The following STAU1 variants were observed in gnomAD, a reference collection of about 807,000 sequenced individuals.
STAU1 encodes the protein double-stranded RNA-binding protein Staufen homolog 1.
A neutral mutation model predicts 62.9 loss-of-function variants in STAU1; 13 were observed. The observed-to-expected ratio is 0.21, with a 90% CI of 0.13 to 0.33. STAU1 has a LOEUF of 0.33. Ranked by LOEUF, STAU1 falls within the 10% of genes least tolerant of loss-of-function variation. STAU1 has a pLI of 1.00. For synonymous variants in STAU1, 269 were observed against 265.1 expected, an observed-to-expected ratio of 1.01 and a Z score of -0.14; for missense variants, 571 against 712.1, an observed-to-expected ratio of 0.80 and a Z score of 2.25.
At chr20:49,132,084 T>C (rs913550838) in intron 6 of STAU1, among the ~76,000 whole-genome samples, 24 of 151,940 alleles carry the variant, frequency 1.6e-4, no homozygotes, top group African/African-American at 5.8e-4. Flanking sequence ...GGGTAGGAAT[T>C]CAGCACAGTG....
intron 5 of STAU1, among the ~76,000 whole-genome samples, chr20:49,148,608 T>G (rs2093176505): frequency 6.6e-6 from 1 of 152,146 alleles, no homozygotes; most frequent in South Asian, 2.1e-4. Context: ...TACTTCCAAC[T>G]CTACAGAGCT....
chr20:49,185,688 G>T (rs2093777912), intron 1 of STAU1, among the ~76,000 whole-genome samples: 1 of 152,100 alleles, frequency 6.6e-6, no homozygotes, highest in Non-Finnish European at 1.5e-5. Context: ...GTTAATAATT[G>T]TCAAAGCTAA....
the STAU1 span, among the ~76,000 whole-genome samples, chr20:49,200,731 A>T: frequency 6.6e-6 from 1 of 152,064 alleles, no homozygotes; most frequent in Non-Finnish European, 1.5e-5. Flanking sequence ...TTTCTATGGC[A>T]TTCTGGAAAA....
Position 49,120,020 on chromosome 20 carries a change from C to T in STAU1, c.1075G>A (p.Ala359Thr). ...TTGAGTGCGGGTTTGGTGGGCTGCG[C>T]CTGCGGGACTTTGAAACCAAGGATC... Reference protein sequence around the residue: ...LEILGFKVPQAQPTKPALKSE... With the variant: ...LEILGFKVPQTQPTKPALKSE... The change falls in exon 9 of 14, where the codon GCG becomes ACG. Residue 359 changes from alanine to threonine, a missense_variant. Ala to Thr is a moderately conservative substitution (Grantham distance 58). This residue lies in a region of STAU1 where 414 missense variants were observed against 499.6 expected (regional missense o/e 0.83). Coordinates refer to ENST00000371856, the MANE Select transcript of STAU1 (RefSeq NM_017453.4). 6.2e-7 allele frequency: 1 copy of T among 1,614,162 alleles called. No homozygotes were observed. Among genetic ancestry groups the T allele is most frequent in the South Asian group, 1.1e-5 (1 of 91,082 alleles).
At chr20:49,139,081 C>CT (rs2092952560) in intron 5 of STAU1, among the ~76,000 whole-genome samples, 1 of 152,088 alleles carries the variant, frequency 6.6e-6, no homozygotes, top group South Asian at 2.1e-4. Flanking sequence ...CCCCACACCA[C>CT]TAAAAACTCA....
intron 3 of STAU1, chr20:49,158,909 A>T (rs1345659694): frequency 1.6e-6 from 2 of 1,212,794 alleles, no homozygotes; most frequent in South Asian, 1.4e-5. Context: ...TCTCAAAAAT[A>T]AATAAATAAA....
intron 6 of STAU1, among the ~76,000 whole-genome samples, chr20:49,128,591 A>G (rs1297171982): frequency 1.3e-5 from 2 of 152,128 alleles, no homozygotes; most frequent in African/African-American, 4.8e-5. Context: ...ATCAGAAAGC[A>G]TGGAAGTTCT....
intron 2 of STAU1, among the ~76,000 whole-genome samples, chr20:49,171,887 G>GT (rs1035179645): frequency 2.1e-5 from 3 of 144,230 alleles, no homozygotes; most frequent in African/African-American, 7.7e-5. Flanking sequence ...ATAATAAAAC[G>GT]TTTTTGAAAA....
the STAU1 span, among the ~76,000 whole-genome samples, chr20:49,205,008 A>G: frequency 3.9e-5 from 6 of 151,964 alleles, no homozygotes; most frequent in Non-Finnish European, 8.8e-5. Context: ...GATTTTGTAC[A>G]GAAATATTAT....
At chr20:49,206,208 G>T in the STAU1 span, among the ~76,000 whole-genome samples, 12 of 146,924 alleles carry the variant, frequency 8.2e-5, no homozygotes, top group Non-Finnish European at 1.2e-4. Context: ...TGGCTAGGCT[G>T]GTCTGGAACT....
chr20:49,117,549 G>A lies in STAU1; in HGVS notation c.1509+228C>T, dbSNP rs2092357587. On this transcript the variant is annotated intron_variant, in intron 11 of 13. Transcript: ENST00000371856. This position sits in a 1 kb window ranked among gnomAD's most constrained non-coding sequence, Gnocchi z 4.6. The stretch of plus-strand genomic sequence containing the variant: ...CTGCTAGTGGTTAGAAGCTTTTAGG[G>A]TTGGCTTGCATGTTGAAATCTTACT... 6.6e-6 allele frequency among the ~76,000 whole-genome samples: 1 copy of A among 152,178 alleles called. No individual in the cohort carries two copies. Among genetic ancestry groups the A allele is most frequent in the Non-Finnish European group, 1.5e-5 (1 of 68,040 alleles).
intron 2 of STAU1, among the ~76,000 whole-genome samples, chr20:49,168,845 A>G (rs2093560812): frequency 6.6e-6 from 1 of 152,164 alleles, no homozygotes; most frequent in Admixed American, 6.6e-5. Flanking sequence ...AAGCACACAT[A>G]TACTAACCCA....
rs575099415 is a variant in STAU1, at chr20:49,180,390, G to C, written c.-159-6121C>G. On this transcript the variant is annotated intron_variant, in intron 1 of 13. Coordinates refer to ENST00000371856, the MANE Select transcript of STAU1 (RefSeq NM_017453.4). ...CCAGGCTGAAGTGCAGCGGCACGAT[G>C]TCAGGTCACTGCAAACTCCACCTCC... Among the ~76,000 whole-genome samples the C allele has an allele frequency of 2.9e-3, 442 of 150,560 alleles. 1 individual carries two copies. The highest frequency in any genetic ancestry group is 4.3e-3 in the Non-Finnish European group (291 of 67,860).
At chr20:49,167,679 T>TA (rs1426075844) in intron 2 of STAU1, among the ~76,000 whole-genome samples, 2 of 152,222 alleles carry the variant, frequency 1.3e-5, no homozygotes, top group Non-Finnish European at 2.9e-5. Flanking sequence ...AGAAGTCAGC[T>TA]ATGACCTTAT....
chr20:49,168,849 T>C (rs968464716), intron 2 of STAU1, among the ~76,000 whole-genome samples: 6 of 152,128 alleles, frequency 3.9e-5, no homozygotes, highest in African/African-American at 1.4e-4. Flanking sequence ...ACACATATAC[T>C]AACCCACACA....
At chr20:49,130,925 G>A (rs1028752227) in intron 6 of STAU1, among the ~76,000 whole-genome samples, 1 of 151,308 alleles carries the variant, frequency 6.6e-6, no homozygotes, top group Admixed American at 6.6e-5. Flanking sequence ...GCAACAGAGC[G>A]AGACTCCGTC....
intron 1 of STAU1, among the ~76,000 whole-genome samples, chr20:49,186,435 C>T (rs915776049): frequency 3.3e-5 from 5 of 151,778 alleles, no homozygotes; most frequent in African/African-American, 1.2e-4. Flanking sequence ...AACAAGGAGG[C>T]CACTTTGCCG....
intron 2 of STAU1, among the ~76,000 whole-genome samples, chr20:49,172,079 A>T (rs1175927714): frequency 6.6e-6 from 1 of 152,214 alleles, no homozygotes; most frequent in Admixed American, 6.5e-5. Flanking sequence ...CACTTGCAAT[A>T]CAAGTGAGAC....
intron 5 of STAU1, among the ~76,000 whole-genome samples, chr20:49,136,174 G>C (rs1184845984): frequency 6.6e-6 from 1 of 152,072 alleles, no homozygotes; most frequent in Non-Finnish European, 1.5e-5. Flanking sequence ...GGTGGTACAT[G>C]CCTGTAGTTC....
Sources: gnomAD v4.1 joint callset for allele counts (sites outside exome capture counted in the v4.1 genomes callset) on GRCh38, gnomAD v4.1.1 for gene constraint, gnomAD v4.1.1 regional missense constraint, Gnocchi (gnomAD v3.1) non-coding constraint, MANE v1.5 for transcripts, NCBI Gene and HGNC (gene_info 2026-07-23, HGNC 2026-07-21) for gene names.